The following PTK2 variants were observed in gnomAD, a reference collection of about 807,000 sequenced individuals.
PTK2 encodes protein tyrosine kinase 2, also known as focal adhesion kinase 1.
PTK2 carries 45 observed loss-of-function variants against 150.1 expected under a neutral mutation model. The ratio of observed to expected loss-of-function variants is 0.30; its 90% CI spans 0.24 to 0.38. PTK2 has a LOEUF of 0.38. PTK2 is among the 10% of genes least tolerant of loss of function. The pLI is 1.00. For synonymous variants in PTK2, 432 were observed against 449.2 expected, an observed-to-expected ratio of 0.96 and a Z score of 0.48; for missense variants, 919 against 1,307.3, an observed-to-expected ratio of 0.70 and a Z score of 4.58.
intron 27 of PTK2, 70 bp downstream of exon 30, chr8:140,686,562 G>T: frequency 8.5e-7 from 1 of 1,174,896 alleles, no homozygotes; most frequent in Non-Finnish European, 1.3e-6. Flanking sequence ...TGGATATATT[G>T]TGACATAAAC....
At chr8:140,754,500 G>A (rs868726765) in intron 16 of PTK2, among the ~76,000 whole-genome samples, 1 of 152,162 alleles carries the variant, frequency 6.6e-6, no homozygotes, top group Non-Finnish European at 1.5e-5. Flanking sequence ...AAAACTGACC[G>A]AAAATGTCCA....
At chr8:140,749,937 C>A (rs2100061709) in intron 17 of PTK2, among the ~76,000 whole-genome samples, 2 of 152,114 alleles carry the variant, frequency 1.3e-5, no homozygotes, top group African/African-American at 4.8e-5. Context: ...AGTAACTGTT[C>A]AGAATTTTAG....
chr8:140,950,980 AT>A (rs2100179371), intron 1 of PTK2, among the ~76,000 whole-genome samples: 2 of 151,890 alleles, frequency 1.3e-5, no homozygotes. Flanking sequence ...TAATATATAT[AT>A]TTTTTTAAGT....
intron 3 of PTK2, among the ~76,000 whole-genome samples, chr8:140,880,940 C>CA (rs963699314): frequency 2.6e-5 from 4 of 152,106 alleles, no homozygotes; most frequent in East Asian, 1.9e-4. Flanking sequence ...AACTCAATCC[C>CA]AGGTACAAAG....
chr8:140,993,604 G>A (rs1245691774), intron 1 of PTK2, among the ~76,000 whole-genome samples: 1 of 152,126 alleles, frequency 6.6e-6, no homozygotes, highest in African/African-American at 2.4e-5. Context: ...TAGTGTTTTG[G>A]TCAAGAGAGA....
chr8:140,805,477 T>G (rs1476031229), intron 10 of PTK2, among the ~76,000 whole-genome samples: 5 of 151,088 alleles, frequency 3.3e-5, no homozygotes, highest in African/African-American at 1.2e-4. Flanking sequence ...GAGAATCACT[T>G]GAACCAGGGA....
intron 26 of PTK2, among the ~76,000 whole-genome samples, chr8:140,688,377 A>G (rs955957287): frequency 7.9e-5 from 12 of 152,156 alleles, no homozygotes; most frequent in African/African-American, 2.9e-4. Flanking sequence ...AAAAATATTC[A>G]TTTAAAAGCA....
rs1357972541 is a variant in PTK2, at chr8:140,669,734, G to A, written c.2710-1310C>T. Reference sequence around the variant, plus strand: ...AAGACACGATGTGCTTACCCTCCATGGCTATTGTCGAACGGAAGGTGAGGA... The same window carrying A: ...AAGACACGATGTGCTTACCCTCCATAGCTATTGTCGAACGGAAGGTGAGGA... On this transcript the variant is annotated intron_variant, in intron 29 of 31. Coordinates refer to ENST00000522684, the Ensembl canonical transcript of PTK2. The A allele has an allele frequency of 5.2e-6, 8 of 1,533,856 alleles. No homozygotes were observed. The Admixed American group carries it at 1.4e-4, about 26-fold the overall frequency.
rs577118531 is a variant in PTK2 at position 140,743,755 on chromosome 8, T to G, written c.1635-425A>C. Among the ~76,000 whole-genome samples the G allele has an allele frequency of 5.9e-5, 9 of 152,134 alleles. 1 individual carries two copies. Among genetic ancestry groups the G allele is most frequent in the Admixed American group, 4.6e-4 (7 of 15,272 alleles). On this transcript the variant is annotated intron_variant, in intron 19 of 31. Transcript: ENST00000522684. ...AATGATTTTGCTGATGCAGCTTATT[T>G]TTTTAGATGCTTAGTTTTTCTTTTC...
intron 1 of PTK2, among the ~76,000 whole-genome samples, chr8:140,934,794 T>C (rs968988041): frequency 2.0e-5 from 3 of 152,244 alleles, no homozygotes; most frequent in Non-Finnish European, 4.4e-5. Flanking sequence ...TCTGTTGTTA[T>C]AGACTTATTC....
chr8:140,984,421 G>C (rs946624921), intron 1 of PTK2, among the ~76,000 whole-genome samples: 1 of 152,114 alleles, frequency 6.6e-6, no homozygotes, highest in Non-Finnish European at 1.5e-5. Flanking sequence ...CAGACCACCA[G>C]CCCTGGCATC....
chr8:140,982,283 T>G (rs1308084960), intron 1 of PTK2, among the ~76,000 whole-genome samples: 1 of 152,202 alleles, frequency 6.6e-6, no homozygotes, highest in Non-Finnish European at 1.5e-5. Flanking sequence ...ATCATTAAGA[T>G]AGATACACAC....
chr8:140,905,760 A>G (rs1303735870), intron 2 of PTK2, among the ~76,000 whole-genome samples: 1 of 152,188 alleles, frequency 6.6e-6, no homozygotes, highest in Non-Finnish European at 1.5e-5. Context: ...AAAGTTGACA[A>G]CATAATTGAA....
rs191376716 is a variant in PTK2 at position 140,890,698 on chromosome 8, G to A, written c.40C>T (p.Pro14Ser). 2.4e-5 allele frequency: 38 copies of A among 1,614,082 alleles called. No homozygotes were observed. The African/African-American group carries it at 4.9e-4, about 21-fold the overall frequency. ...AGGTGAGTCTTAGTACTCGAATTTGGTGTGTGATTCAAGTTGGGGTCAAGG... is the reference window on the plus strand; with the variant it reads ...AGGTGAGTCTTAGTACTCGAATTTGATGTGTGATTCAAGTTGGGGTCAAGG... Residue 14 changes from proline (P) to serine (S), a missense_variant, in exon 3 of 32, where the codon CCA becomes TCA. Physicochemically the swap from Pro to Ser is moderately conservative, Grantham distance 74 (BLOSUM62 -1). This residue lies in a region of PTK2 where 555 missense variants were observed against 880.1 expected (regional missense o/e 0.63). Transcript: ENST00000522684.
At chr8:140,941,380 CT>C (rs1475041428) in intron 1 of PTK2, among the ~76,000 whole-genome samples, 2 of 152,192 alleles carry the variant, frequency 1.3e-5, no homozygotes, top group Non-Finnish European at 2.9e-5. Flanking sequence ...CAGGTCTCAT[CT>C]GCTGGAGACA....
rs991579570 is a variant in PTK2, at chr8:140,989,195, T to C, written c.-122+11930A>G. On this transcript the variant is annotated intron_variant, in intron 1 of 31. Transcript: ENST00000522684. Reference sequence around the variant, plus strand: ...GAGTTTGAGACTAGCCTGGGCAACATAGGAAGACCCTGTCTCTAAAAAAAA... The same window carrying C: ...GAGTTTGAGACTAGCCTGGGCAACACAGGAAGACCCTGTCTCTAAAAAAAA... 2.8e-4 allele frequency among the ~76,000 whole-genome samples: 23 copies of C among 83,284 alleles called. No individual in the cohort carries two copies. In the Admixed American group the frequency reaches 2.9e-3, roughly 10 times the overall value. 54.6% of individuals were successfully genotyped at this position (83,284 alleles called of 152,430 possible).
At chr8:140,792,555 C>A (rs1026284986) in intron 13 of PTK2, among the ~76,000 whole-genome samples, 1 of 152,326 alleles carries the variant, frequency 6.6e-6, no homozygotes, top group Admixed American at 6.5e-5. Context: ...CTTGGGGAAC[C>A]CCAACACAGA....
At chr8:140,888,612 T>C (rs1246331858) in intron 3 of PTK2, among the ~76,000 whole-genome samples, 1 of 152,222 alleles carries the variant, frequency 6.6e-6, no homozygotes, top group Admixed American at 6.5e-5. Context: ...AATGTATGAC[T>C]AGGAAGTTTT....
chr8:140,673,992 G>T (rs2100012139), intron 29 of PTK2: 1 of 489,608 alleles, frequency 2.0e-6, no homozygotes, highest in East Asian at 5.2e-5. Flanking sequence ...TTGGCACTTT[G>T]TTCTAAAGAA....
Sources: gnomAD v4.1 joint callset for allele counts (sites outside exome capture counted in the v4.1 genomes callset) on GRCh38, gnomAD v4.1.1 for gene constraint, gnomAD v4.1.1 regional missense constraint, MANE v1.5 for transcripts, NCBI Gene and HGNC (gene_info 2026-07-23, HGNC 2026-07-21) for gene names.